The following ABCC4 variants were observed in gnomAD, a reference collection of about 807,000 sequenced individuals.
ABCC4 encodes the protein ATP binding cassette subfamily C member 4 (PEL blood group).
ABCC4 carries 102 observed loss-of-function variants against 168.5 expected under a neutral mutation model. The observed-to-expected ratio is 0.61, with a 90% CI of 0.52 to 0.71. The LOEUF (loss-of-function observed/expected upper bound fraction) is 0.71, where lower values mean the gene tolerates loss of function less well. ABCC4 is among the 30% of genes least tolerant of loss of function. The pLI is 0.00. For synonymous variants in ABCC4, 617 were observed against 590.7 expected (o/e 1.04, Z -0.65); for missense variants, 1,402 against 1,605.8 (o/e 0.87, Z 2.17).
intron 20 of ABCC4, among the ~76,000 whole-genome samples, chr13:95,102,634 C>CTT (rs111272484): frequency 4.0e-4 from 58 of 143,768 alleles, no homozygotes; most frequent in South Asian, 6.7e-4. Context: ...CTAGTCACAC[C>CTT]TTTTTTTTTT....
chr13:95,250,757 C>CTT (rs66485168), intron 1 of ABCC4, among the ~76,000 whole-genome samples: 89 of 78,872 alleles, frequency 1.1e-3, no homozygotes, highest in African/African-American at 2.4e-3. Flanking sequence ...ATACTGGTTT[C>CTT]TTTTTTTTTT....
At chr13:95,064,509 GTGTA>G (rs1295168622) in intron 25 of ABCC4, among the ~76,000 whole-genome samples, 10 of 56,014 alleles carry the variant, frequency 1.8e-4, no homozygotes, top group Admixed American at 7.9e-4. Flanking sequence ...ACGTGTATGT[GTGTA>G]TGTGTGTGTG....
intron 1 of ABCC4, among the ~76,000 whole-genome samples, chr13:95,281,573 A>G (rs2041127290): frequency 6.6e-6 from 1 of 152,154 alleles, no homozygotes; most frequent in Admixed American, 6.6e-5. Flanking sequence ...TCCACATCTG[A>G]AGAATTTTAG....
intron 19 of ABCC4, among the ~76,000 whole-genome samples, chr13:95,149,159 T>G (rs1383304688): frequency 6.6e-6 from 1 of 152,218 alleles, no homozygotes; most frequent in Middle Eastern, 3.2e-3. Context: ...CGGCTATTTA[T>G]GTCAACAACT....
At position 95,170,525 on chromosome 13, in the gene ABCC4, T is replaced by C. The variant is rs902305589; in HGVS notation, c.1824+7A>G. The C allele has an allele frequency of 1.0e-5, 16 of 1,597,570 alleles. No homozygotes were observed. Among genetic ancestry groups the C allele is most frequent in the African/African-American group, 1.3e-5 (1 of 74,530 alleles). On this transcript the variant is annotated splice_region_variant and intron_variant, in intron 14 of 30. Transcript: ENST00000645237. The stretch of plus-strand genomic sequence containing the variant: ...GCAAGTTCGGGAGACCTCTAGAAAC[T>C]ACTTACATCTTTCAATATCAGAATC...
intron 3 of ABCC4, among the ~76,000 whole-genome samples, chr13:95,245,945 C>T (rs985192430): frequency 6.7e-6 from 1 of 149,030 alleles, no homozygotes; most frequent in Admixed American, 6.8e-5. Context: ...TAAAGCCACC[C>T]TTTTGTAACA....
chr13:95,144,230 CTGAGGGGG>C (rs75915761), intron 19 of ABCC4, among the ~76,000 whole-genome samples: 41,020 of 151,634 alleles, frequency 0.27, 5,981 homozygotes, highest in African/African-American at 0.39. Context: ...TAACCCTTAT[CTGAGGGGG>C]TGAAGCATGA....
intron 8 of ABCC4, among the ~76,000 whole-genome samples, chr13:95,201,990 T>TA (rs1180608580): frequency 1.3e-5 from 2 of 152,004 alleles, no homozygotes; most frequent in African/African-American, 4.8e-5. Flanking sequence ...AAAAAGACTG[T>TA]GATGGTGAAT....
chr13:95,139,548 T>A (rs1192190483), intron 19 of ABCC4, among the ~76,000 whole-genome samples: 1 of 152,140 alleles, frequency 6.6e-6, no homozygotes, highest in African/African-American at 2.4e-5. Flanking sequence ...CCATGCCCAA[T>A]GGGGCCGTGA....
rs746933451 is a variant in ABCC4, at chr13:95,164,389, T to C, written c.2164A>G (p.Thr722Ala). The part of the protein sequence containing the change: ...IVFIFLILLN[T>A]AAQVAYVLQD... ...ATGTCATTATTTACCTGAGCTGCAG[T>C]GTTTAGGAGAATAAGGAAAATGAAG... Residue 722 changes from threonine to alanine, a missense_variant, in exon 16 of 31, where the codon ACT (threonine) becomes GCT (alanine). Coordinates refer to ENST00000645237, the MANE Select transcript of ABCC4 (RefSeq NM_005845.5). 5.6e-6 allele frequency: 9 copies of C among 1,613,926 alleles called. No individual in the cohort carries two copies. The highest frequency in any genetic ancestry group is 4.4e-5 in the South Asian group (4 of 91,072).
In ABCC4 at chr13:95,231,455, C is replaced by T. The variant is rs2039619883; in HGVS notation, c.531+3155G>A. On this transcript the variant is annotated intron_variant, in intron 4 of 30. Transcript: ENST00000645237. ...ACGGGCTCGGCAGTCATTCCATTTG[C>T]AACAGCCAACCTGATTTCTGCCAGA... Among the ~76,000 whole-genome samples the T allele has an allele frequency of 2.6e-5, 4 of 152,178 alleles. No individual in the cohort carries two copies. In the South Asian group the frequency reaches 8.3e-4, roughly 32 times the overall value.
At chr13:95,161,118 G>T in intron 19 of ABCC4, 71 bp downstream of exon 19, 1 of 1,164,310 alleles carries the variant, frequency 8.6e-7, no homozygotes, top group Non-Finnish European at 1.1e-6. Context: ...TTTCAAAGAT[G>T]GAAATGTAAT....
intron 30 of ABCC4, among the ~76,000 whole-genome samples, chr13:95,029,184 A>C (rs7334620): frequency 0.35 from 25,756 of 74,138 alleles, 3,423 homozygotes; most frequent in South Asian, 0.38. Context: ...ATATATATAT[A>C]TATATATATA....
At position 95,062,712 on chromosome 13, in the gene ABCC4, T is replaced by G; in HGVS notation, c.3358A>C (p.Ile1120Leu). 6.2e-7 allele frequency: 1 copy of G among 1,613,776 alleles called. No homozygotes were observed. The highest frequency in any genetic ancestry group is 1.1e-5 in the South Asian group (1 of 90,976). ...CGCTATGACTTGCATACCTGAGGTA[T>G]GATTGACATCTTCTTCCTTAAATCG... is the stretch of plus-strand genomic sequence containing the variant. Reference protein sequence around the residue: ...LHDLRKKMSIIPQEPVLFTGT... With the variant: ...LHDLRKKMSILPQEPVLFTGT... Residue 1120 changes from isoleucine (I) to leucine (L), a missense_variant, in exon 26 of 31, where the codon ATA becomes CTA. Coordinates refer to ENST00000645237, the MANE Select transcript of ABCC4 (RefSeq NM_005845.5).
intron 14 of ABCC4, among the ~76,000 whole-genome samples, chr13:95,167,935 C>T (rs1054393737): frequency 2.0e-5 from 3 of 152,270 alleles, no homozygotes; most frequent in South Asian, 2.1e-4. Flanking sequence ...GGCGCGATCT[C>T]GGCTCACTGC....
chr13:95,194,533 A>G (rs1268573603), intron 9 of ABCC4, among the ~76,000 whole-genome samples: 2 of 152,206 alleles, frequency 1.3e-5, no homozygotes, highest in African/African-American at 2.4e-5. Flanking sequence ...AGTCTGTCCA[A>G]TCCTATAAAA....
chr13:95,208,503 G>C, intron 6 of ABCC4, among the ~76,000 whole-genome samples: 1 of 151,486 alleles, frequency 6.6e-6, no homozygotes, highest in East Asian at 1.9e-4. Flanking sequence ...GGCTCATCTC[G>C]ATCCAGCTGA....
intron 29 of ABCC4, among the ~76,000 whole-genome samples, chr13:95,040,823 T>C (rs1463540443): frequency 6.6e-6 from 1 of 152,200 alleles, no homozygotes; most frequent in Non-Finnish European, 1.5e-5. Context: ...GAAAGAAAGA[T>C]ATACATTATA....
rs1352754081 is a variant in ABCC4, at chr13:95,163,226, ATGGGG to A, written c.2214-15_2214-11del. On this transcript the variant is annotated splice_polypyrimidine_tract_variant and intron_variant, in intron 17 of 30. Coordinates refer to ENST00000645237, the MANE Select transcript of ABCC4 (RefSeq NM_005845.5). The stretch of plus-strand genomic sequence containing the variant: ...ACTTTGTTTGTTTGCCCTATGGAAC[ATGGGG>A]AGAAAAAAATATTAAGCTATATATG... The A allele has an allele frequency of 1.3e-6, 2 of 1,551,106 alleles. No homozygotes were observed. Among genetic ancestry groups the A allele is most frequent in the Admixed American group, 1.9e-5 (1 of 53,752 alleles).
Sources: gnomAD v4.1 joint callset for allele counts (sites outside exome capture counted in the v4.1 genomes callset) on GRCh38, gnomAD v4.1.1 for gene constraint, MANE v1.5 for transcripts, NCBI Gene and HGNC (gene_info 2026-07-23, HGNC 2026-07-21) for gene names.